The following TNR variants were observed in gnomAD, a reference collection of about 807,000 sequenced individuals.
TNR encodes tenascin R, also known as tenascin-R.
A neutral mutation model predicts 150.4 loss-of-function variants in TNR; 45 were observed. The ratio of observed to expected loss-of-function variants is 0.30; its 90% CI spans 0.24 to 0.38. TNR has a LOEUF of 0.38. Among genes scored for constraint, TNR ranks in the 10% least tolerant of loss-of-function variants. The pLI is 1.00. For synonymous variants in TNR, 687 were observed against 678.4 expected (o/e 1.01, Z -0.20); for missense variants, 1,544 against 1,759.1 (o/e 0.88, Z 2.19).
intron 2 of TNR, among the ~76,000 whole-genome samples, chr1:175,485,779 C>T (rs1192407660): frequency 6.6e-6 from 1 of 152,158 alleles, no homozygotes; most frequent in Non-Finnish European, 1.5e-5. Context: ...TTGAGCCAGG[C>T]ACGGCGAGCT....
At chr1:175,662,462 C>T (rs1233987363) in intron 1 of TNR, among the ~76,000 whole-genome samples, 1 of 152,174 alleles carries the variant, frequency 6.6e-6, no homozygotes, top group East Asian at 1.9e-4. Flanking sequence ...AGTCTTATCT[C>T]CCTACTGGGC....
chr1:175,355,581 G>C lies in TNR; in HGVS notation c.3171C>G (p.Ala1057=). The C allele has an allele frequency of 5.0e-6, 8 of 1,614,034 alleles. No individual in the cohort carries two copies. The highest frequency in any genetic ancestry group is 1.3e-5 in the African/African-American group (1 of 75,030). ...LTASEVTRQS[A]LISWQPPRAE... is the part of the protein sequence containing the mutation. ...CCCTGGGAGGCTGCCAGGAGATCAG[G>C]GCACTTTGTCTGGTGACTTCACTGG... Residue 1057 remains alanine, a synonymous_variant, in exon 17 of 23, where the codon GCC becomes GCG. Transcript: ENST00000367674.
chr1:175,613,593 C>T (rs1186933547), intron 1 of TNR, among the ~76,000 whole-genome samples: 3 of 152,112 alleles, frequency 2.0e-5, no homozygotes, highest in Non-Finnish European at 2.9e-5. Context: ...TCCAGAGGAC[C>T]TGTTGCTCTG....
chr1:175,510,360 C>A lies in TNR; in HGVS notation c.-64+17909G>T, dbSNP rs1319722221. On this transcript the variant is annotated intron_variant, in intron 2 of 22. Transcript: ENST00000367674. Reference sequence around the variant, plus strand: ...TCCTAAGAACTGTGAAGACCTTTGCCCAAAGCAAAGAAAAAAAAAAAGACA... The same window carrying A: ...TCCTAAGAACTGTGAAGACCTTTGCACAAAGCAAAGAAAAAAAAAAAGACA... Among the ~76,000 whole-genome samples, 4 of 132,204 alleles carry A rather than the reference C, an allele frequency of 3.0e-5. No individual in the cohort carries two copies. The East Asian group carries it at 7.7e-4, about 25-fold the overall frequency. 86.7% of individuals were successfully genotyped at this position (132,204 alleles called of 152,430 possible).
Position 175,323,237 on chromosome 1 carries a change from T to G in TNR, c.*120A>C, listed in dbSNP as rs1176597622. On this transcript the variant is annotated 3_prime_UTR_variant, in exon 23 of 23. Transcript: ENST00000367674. ...CAGCGGATTCCTGCGACATCCCTGC[T>G]TCCTTCACATACTCTTAATATGTTG... is the stretch of plus-strand genomic sequence containing the variant. The G allele has an allele frequency of 2.3e-6, 3 of 1,324,434 alleles. No individual in the cohort carries two copies. The highest frequency in any genetic ancestry group is 3.1e-6 in the Non-Finnish European group (3 of 975,576). 82.0% of individuals were successfully genotyped at this position (1,324,434 alleles called of 1,614,324 possible). A position where few individuals can be genotyped will look rare whatever the true frequency, so the allele number is the denominator to read the frequency against.
At chr1:175,727,558 A>G (rs969915808) in intron 1 of TNR, among the ~76,000 whole-genome samples, 6 of 152,324 alleles carry the variant, frequency 3.9e-5, no homozygotes, top group Admixed American at 3.3e-4. Flanking sequence ...AGAGGCTTTC[A>G]CTTTCTCAAG....
intron 9 of TNR, among the ~76,000 whole-genome samples, chr1:175,369,974 T>G (rs1652022824): frequency 6.6e-6 from 1 of 152,214 alleles, no homozygotes; most frequent in Admixed American, 6.5e-5. Flanking sequence ...AAGCCCTGTC[T>G]GGGTAGGCAT....
intron 2 of TNR, among the ~76,000 whole-genome samples, chr1:175,502,550 T>C (rs1658783049): frequency 6.6e-6 from 1 of 152,158 alleles, no homozygotes; most frequent in Non-Finnish European, 1.5e-5. Context: ...TAAAGCCACA[T>C]ACAAATCAGT....
At chr1:175,703,684 C>CA (rs1558082017) in intron 1 of TNR, among the ~76,000 whole-genome samples, 1 of 151,934 alleles carries the variant, frequency 6.6e-6, no homozygotes, top group Non-Finnish European at 1.5e-5. Context: ...AGGTAAATCA[C>CA]AAAAAAAGAA....
chr1:175,725,265 T>C (rs1558092588), intron 1 of TNR, among the ~76,000 whole-genome samples: 1 of 152,168 alleles, frequency 6.6e-6, no homozygotes, highest in Non-Finnish European at 1.5e-5. Context: ...ATCTTGAACT[T>C]CCCAATCTCT....
intron 18 of TNR, among the ~76,000 whole-genome samples, chr1:175,351,208 T>C (rs1313174098): frequency 2.0e-5 from 3 of 152,202 alleles, no homozygotes; most frequent in Non-Finnish European, 4.4e-5. Flanking sequence ...TTATTGGTAA[T>C]GTCCCCAATC....
intron 2 of TNR, among the ~76,000 whole-genome samples, chr1:175,413,834 A>G (rs1028168332): frequency 6.6e-6 from 1 of 152,176 alleles, no homozygotes; most frequent in Admixed American, 6.5e-5. Flanking sequence ...TAGTGCCCTT[A>G]TAAAAGACGT....
At position 175,643,134 on chromosome 1, in the gene TNR, AGG is replaced by A. The variant is rs547435337; in HGVS notation, c.-165+100090_-165+100091del. Reference sequence around the variant, plus strand: ...ATTTCTCATGAGCGATGATGCACTGAGGGAACCCAGAAGGAGAAGCATGTCTA... The same window carrying A: ...ATTTCTCATGAGCGATGATGCACTGAGAACCCAGAAGGAGAAGCATGTCTA... On this transcript the variant is annotated intron_variant, in intron 1 of 22. Transcript: ENST00000367674. 4.2e-3 allele frequency among the ~76,000 whole-genome samples: 647 copies of A among 152,300 alleles called. 4 individuals carry two copies. The highest frequency in any genetic ancestry group is 0.015 in the African/African-American group (613 of 41,568).
chr1:175,651,460 TA>T (rs1664994040), intron 1 of TNR, among the ~76,000 whole-genome samples: 1 of 151,912 alleles, frequency 6.6e-6, no homozygotes, highest in Non-Finnish European at 1.5e-5. Context: ...CAGACATTTT[TA>T]AAAAAATAGT....
chr1:175,364,304 T>C (rs1651736239), intron 12 of TNR, among the ~76,000 whole-genome samples: 1 of 151,624 alleles, frequency 6.6e-6, no homozygotes, highest in Non-Finnish European at 1.5e-5. Flanking sequence ...TTTTCCTAAA[T>C]TGTATTTCAT....
intron 1 of TNR, among the ~76,000 whole-genome samples, chr1:175,536,988 C>A (rs747083248): frequency 3.3e-5 from 5 of 152,208 alleles, no homozygotes; most frequent in Admixed American, 6.5e-5. Flanking sequence ...CCCCACTCCA[C>A]CTTCCATTCC....
chr1:175,709,103 G>A (rs139275849), intron 1 of TNR, among the ~76,000 whole-genome samples: 1 of 152,194 alleles, frequency 6.6e-6, no homozygotes, highest in Non-Finnish European at 1.5e-5. Context: ...TACACAGATG[G>A]ATCTTTGCTG....
chr1:175,339,424 G>T (rs368043408), intron 18 of TNR, among the ~76,000 whole-genome samples: 1 of 152,192 alleles, frequency 6.6e-6, no homozygotes, highest in African/African-American at 2.4e-5. Flanking sequence ...TCTGCAGAGT[G>T]TCCTAGAACT....
intron 20 of TNR, 25 bp downstream of exon 20, chr1:175,335,686 A>G (rs746405091): frequency 1.2e-6 from 2 of 1,601,586 alleles, no homozygotes; most frequent in East Asian, 2.2e-5. Flanking sequence ...AAGCACATCA[A>G]TGGAAAGCAA....
Sources: gnomAD v4.1 joint callset for allele counts (sites outside exome capture counted in the v4.1 genomes callset) on GRCh38, gnomAD v4.1.1 for gene constraint, MANE v1.5 for transcripts, NCBI Gene and HGNC (gene_info 2026-07-23, HGNC 2026-07-21) for gene names.